Variants in VAC14 observed in about 807,000 individuals in gnomAD.
VAC14 encodes the protein protein VAC14 homolog.
In VAC14, 47 loss-of-function variants were observed where a neutral mutation model predicts 85.3. The ratio of observed to expected loss-of-function variants is 0.55; its 90% CI spans 0.44 to 0.70. The LOEUF (loss-of-function observed/expected upper bound fraction) is 0.70. Among genes scored for constraint, VAC14 ranks in the 30% least tolerant of loss-of-function variants. The probability of loss-of-function intolerance (pLI) is 0.00; values close to 1 mark genes in which losing one functional copy is unlikely to be tolerated. For synonymous variants in VAC14, 447 were observed against 430.5 expected (o/e 1.04, Z -0.47); for missense variants, 861 against 1,004.3 (o/e 0.86, Z 1.93).
intron 9 of VAC14, chr16:70,779,136 G>A (rs2033682727): frequency 6.6e-6 from 1 of 152,244 alleles, no homozygotes; most frequent in Admixed American, 6.5e-5. Context: ...TCTGCCTCCA[G>A]CTGTTTTGTT....
At chr16:70,724,387 C>T (rs2054369610) in intron 14 of VAC14, among the ~76,000 whole-genome samples, 1 of 152,170 alleles carries the variant, frequency 6.6e-6, no homozygotes, top group Non-Finnish European at 1.5e-5. Flanking sequence ...CTGTGAGGTG[C>T]AAGGACGCTG....
intron 13 of VAC14, among the ~76,000 whole-genome samples, chr16:70,734,466 A>C (rs1174224116): frequency 6.6e-6 from 1 of 152,112 alleles, no homozygotes; most frequent in East Asian, 1.9e-4. Flanking sequence ...TGAAGCACAA[A>C]ATTTTTAACT....
chr16:70,704,216 G>A (rs77286017), intron 14 of VAC14, among the ~76,000 whole-genome samples: 7,826 of 152,312 alleles, frequency 0.051, 198 homozygotes, highest in East Asian at 0.094. Flanking sequence ...TGTAGGTGCC[G>A]CAGTGTCTGG....
At chr16:70,743,639 T>C (rs1001436560) in intron 13 of VAC14, among the ~76,000 whole-genome samples, 1 of 152,084 alleles carries the variant, frequency 6.6e-6, no homozygotes, top group Non-Finnish European at 1.5e-5. Flanking sequence ...ACTGTGAAGG[T>C]CCGTGGCTTC....
intron 14 of VAC14, among the ~76,000 whole-genome samples, chr16:70,704,415 C>T (rs950477385): frequency 2.0e-5 from 3 of 152,226 alleles, no homozygotes; most frequent in Non-Finnish European, 4.4e-5. Flanking sequence ...AGGGATAAGA[C>T]AGGTCACTGA....
intron 13 of VAC14, among the ~76,000 whole-genome samples, chr16:70,741,010 C>T (rs2030238127): frequency 6.6e-6 from 1 of 152,232 alleles, no homozygotes; most frequent in African/African-American, 2.4e-5. Context: ...CCATGTGGTT[C>T]CCTACAGATG....
At chr16:70,727,448 TC>T (rs2054462366) in intron 14 of VAC14, among the ~76,000 whole-genome samples, 1 of 152,224 alleles carries the variant, frequency 6.6e-6, no homozygotes, top group Non-Finnish European at 1.5e-5. Flanking sequence ...CAAGCGATCC[TC>T]CTGCCTCAGT....
chr16:70,794,165 T>TA (rs1181674251), intron 1 of VAC14, among the ~76,000 whole-genome samples: 2 of 152,188 alleles, frequency 1.3e-5, no homozygotes, highest in African/African-American at 4.8e-5. Context: ...AAATTCACTC[T>TA]TTTAGAGTGT....
chr16:70,784,166 G>C lies in VAC14; in HGVS notation c.541C>G (p.Arg181Gly). 1 of 1,614,142 alleles carries C rather than the reference G, an allele frequency of 6.2e-7. No individual in the cohort carries two copies. The highest frequency in any genetic ancestry group is 8.5e-7 in the Non-Finnish European group (1 of 1,180,026). The change falls in exon 5 of 19, where the codon CGA becomes GGA. Residue 181 changes from arginine to glycine, a missense_variant. This residue lies in a region of VAC14 where 629 missense variants were observed against 703.1 expected (regional missense o/e 0.89). Transcript: ENST00000261776. ...TGGTTGTTGGAGTAAATCCTCTCTC[G>C]CAACAAGGGGATGAAGCTCACCAGG... ...FDLVSFIPLL[R>G]ERIYSNNQYA...
chr16:70,747,106 A>G (rs1177379412), intron 12 of VAC14: 2 of 152,212 alleles, frequency 1.3e-5, no homozygotes, highest in Non-Finnish European at 2.9e-5. Context: ...GGAGACAAGG[A>G]GAAATGGAAC....
chr16:70,769,558 A>G (rs944350074), intron 10 of VAC14: 28 of 152,228 alleles, frequency 1.8e-4, no homozygotes, highest in African/African-American at 6.3e-4. Context: ...TCTGTCACCA[A>G]AAGTCAGGAA....
chr16:70,689,595 C>T (rs2053561396), intron 18 of VAC14: 2 of 985,516 alleles, frequency 2.0e-6, no homozygotes, highest in African/African-American at 1.7e-5. Context: ...CACACCTGTT[C>T]CCTTCCCGCC....
At chr16:70,781,103 G>C (rs927320651) in intron 8 of VAC14, among the ~76,000 whole-genome samples, 164 bp from the exon 9 acceptor site, 2 of 152,210 alleles carry the variant, frequency 1.3e-5, no homozygotes, top group African/African-American at 4.8e-5. Context: ...CCATGGTACT[G>C]AGCGAGTTGA....
At chr16:70,688,303 C>T in intron 18 of VAC14, 8 of 1,212,924 alleles carry the variant, frequency 6.6e-6, no homozygotes, top group Non-Finnish European at 7.2e-6. Flanking sequence ...GAACAGCTAA[C>T]ACTGCTGCTT....
At chr16:70,789,437 TCAA>T (rs1170885276) in intron 1 of VAC14, among the ~76,000 whole-genome samples, 2 of 152,278 alleles carry the variant, frequency 1.3e-5, no homozygotes, top group South Asian at 4.1e-4. Context: ...ATTCTGTTAA[TCAA>T]CTTATATGCA....
At chr16:70,795,861 A>G (rs978748451) in intron 1 of VAC14, among the ~76,000 whole-genome samples, 2 of 152,178 alleles carry the variant, frequency 1.3e-5, no homozygotes, top group African/African-American at 4.8e-5. Context: ...AGACTTGACC[A>G]TGAGTGGCGC....
intron 1 of VAC14, among the ~76,000 whole-genome samples, chr16:70,791,398 C>T (rs2034332296): frequency 6.6e-6 from 1 of 152,064 alleles, no homozygotes; most frequent in Non-Finnish European, 1.5e-5. Flanking sequence ...CTTTTTTTTC[C>T]CTTTGAGACA....
chr16:70,721,579 C>A (rs992760851), intron 14 of VAC14, among the ~76,000 whole-genome samples: 1 of 152,086 alleles, frequency 6.6e-6, no homozygotes, highest in African/African-American at 2.4e-5. Flanking sequence ...ATGGGAGGGC[C>A]CGGCTTCTCT....
At chr16:70,719,208 A>C (rs2054231224) in intron 14 of VAC14, among the ~76,000 whole-genome samples, 1 of 152,144 alleles carries the variant, frequency 6.6e-6, no homozygotes, top group South Asian at 2.1e-4. Flanking sequence ...TTAAGAAAAA[A>C]CACCTCTCGA....
Sources: allele counts gnomAD v4.1 joint callset (sites outside exome capture counted in the v4.1 genomes callset), GRCh38; gene constraint gnomAD v4.1.1; regional missense constraint gnomAD v4.1.1; transcripts MANE v1.5; gene names NCBI Gene and HGNC (gene_info 2026-07-23, HGNC 2026-07-21).